CDK19: variants seen among roughly 807,000 people sequenced by gnomAD.
CDK19 encodes the protein cyclin-dependent kinase 19.
In CDK19, 20 loss-of-function variants were observed where a neutral mutation model predicts 68.3. The observed-to-expected ratio is 0.29, with a 90% CI of 0.21 to 0.43. The LOEUF is 0.43. CDK19 is among the 20% of genes least tolerant of loss of function. The probability of loss-of-function intolerance (pLI) is 1.00; values close to 1 mark genes in which losing one functional copy is unlikely to be tolerated. For missense variants in CDK19, 339 were observed against 623.5 expected (o/e 0.54, Z 4.86); for synonymous variants, 221 against 222.8 (o/e 0.99, Z 0.07).
At chr6:110,676,968 T>C (rs1051480848) in intron 2 of CDK19, among the ~76,000 whole-genome samples, 22 of 152,318 alleles carry the variant, frequency 1.4e-4, no homozygotes, top group African/African-American at 5.1e-4. Context: ...ATCCCCAAAT[T>C]TGCATTTTCT....
chr6:110,664,980 T>C (rs1781835003), intron 4 of CDK19, among the ~76,000 whole-genome samples: 1 of 152,166 alleles, frequency 6.6e-6, no homozygotes, highest in Admixed American at 6.5e-5. Flanking sequence ...GAACACTCAA[T>C]AGTTCAGTAG....
At chr6:110,726,454 A>T (rs1241023360) in intron 2 of CDK19, among the ~76,000 whole-genome samples, 2 of 152,130 alleles carry the variant, frequency 1.3e-5, no homozygotes, top group Admixed American at 6.6e-5. Context: ...GCCTAAAGAA[A>T]ATGGGGGGAT....
rs1440180529 is a variant in CDK19 at position 110,614,618 on chromosome 6, G to C, written c.1426C>G (p.Gln476Glu). 3 of 1,613,890 alleles carry C rather than the reference G, an allele frequency of 1.9e-6. 1 individual carries two copies. The highest frequency in any genetic ancestry group is 2.5e-6 in the Non-Finnish European group (3 of 1,179,758). The change falls in exon 13 of 13, where the codon CAG (glutamine) becomes GAG (glutamate). Residue 476 changes from glutamine to glutamate, a missense_variant. Physicochemically the swap from Gln to Glu is conservative, Grantham distance 29. Coordinates refer to ENST00000368911, the MANE Select transcript of CDK19 (RefSeq NM_015076.5). ...NYQSSVQGSS[Q>E]SQSTLGYSSS... ...GAGTAGCCAAGTGTGCTCTGGGACT[G>C]AGAGGATCCCTGAACGCTGCTTTGG...
At chr6:110,700,226 C>A (rs937312757) in intron 2 of CDK19, among the ~76,000 whole-genome samples, 1 of 152,180 alleles carries the variant, frequency 6.6e-6, no homozygotes, top group Admixed American at 6.5e-5. Flanking sequence ...AGAGTTCCCA[C>A]TGATTACACA....
At chr6:110,692,167 G>A (rs1453509685) in intron 2 of CDK19, among the ~76,000 whole-genome samples, 2 of 151,582 alleles carry the variant, frequency 1.3e-5, no homozygotes, top group Admixed American at 6.6e-5. Context: ...GGTGGTGAGC[G>A]CCTGTAGTCC....
At chr6:110,624,334 A>G (rs969057589) in intron 8 of CDK19, among the ~76,000 whole-genome samples, 7 of 152,128 alleles carry the variant, frequency 4.6e-5, no homozygotes, top group African/African-American at 1.7e-4. Flanking sequence ...TATTCATTTT[A>G]TTATTCTAAA....
At chr6:110,691,048 G>C (rs1772937094) in intron 2 of CDK19, among the ~76,000 whole-genome samples, 1 of 152,038 alleles carries the variant, frequency 6.6e-6, no homozygotes, top group African/African-American at 2.4e-5. Flanking sequence ...CGAAATATCA[G>C]ATAAAGAATC....
chr6:110,781,735 T>A (rs1562283720), intron 1 of CDK19, among the ~76,000 whole-genome samples: 1 of 151,646 alleles, frequency 6.6e-6, no homozygotes, highest in Non-Finnish European at 1.5e-5. Context: ...TCCCACCTAC[T>A]CAGGAGGCTG....
chr6:110,705,378 G>C (rs1041002690), intron 2 of CDK19, among the ~76,000 whole-genome samples: 5 of 152,124 alleles, frequency 3.3e-5, no homozygotes, highest in African/African-American at 1.2e-4. Context: ...ATGAGCTCAA[G>C]ATGTTCATGG....
At chr6:110,807,087 G>A (rs1433938125) in intron 1 of CDK19, among the ~76,000 whole-genome samples, 1 of 151,798 alleles carries the variant, frequency 6.6e-6, no homozygotes, top group Non-Finnish European at 1.5e-5. Flanking sequence ...ATTACTTGAG[G>A]CCAGGAGTTC....
intron 3 of CDK19, among the ~76,000 whole-genome samples, chr6:110,669,001 G>A (rs1770761014): frequency 6.6e-6 from 1 of 151,996 alleles, no homozygotes; most frequent in Non-Finnish European, 1.5e-5. Flanking sequence ...TATGGTATTG[G>A]ACAGTACAGT....
At chr6:110,689,199 ACC>A (rs1203424292) in intron 2 of CDK19, among the ~76,000 whole-genome samples, 1 of 152,010 alleles carries the variant, frequency 6.6e-6, no homozygotes, top group Non-Finnish European at 1.5e-5. Flanking sequence ...CTGGAACATT[ACC>A]CCAGAGGCCA....
intron 2 of CDK19, among the ~76,000 whole-genome samples, chr6:110,683,322 C>G (rs554441783): frequency 6.6e-6 from 1 of 151,982 alleles, no homozygotes; most frequent in Non-Finnish European, 1.5e-5. Context: ...GGTAGAATGC[C>G]TGGCATTGTT....
intron 2 of CDK19, among the ~76,000 whole-genome samples, chr6:110,741,204 C>T (rs1459020754): frequency 6.6e-6 from 1 of 151,832 alleles, no homozygotes; most frequent in East Asian, 1.9e-4. Flanking sequence ...ACATGTAATC[C>T]TAGCACTTTG....
At chr6:110,714,722 CTTT>C (rs112875656) in intron 2 of CDK19, among the ~76,000 whole-genome samples, 1,239 of 69,826 alleles carry the variant, frequency 0.018, 12 homozygotes, top group African/African-American at 0.044. Context: ...AATGTCTTTT[CTTT>C]TTTTTTTTTT....
intron 4 of CDK19, among the ~76,000 whole-genome samples, chr6:110,659,709 G>T (rs1160874557): frequency 6.6e-6 from 1 of 152,094 alleles, no homozygotes; most frequent in African/African-American, 2.4e-5. Context: ...TCTGTGGTTC[G>T]ACAGCAGGGA....
intron 6 of CDK19, among the ~76,000 whole-genome samples, chr6:110,630,843 A>G (rs995919016): frequency 6.6e-6 from 1 of 152,250 alleles, no homozygotes; most frequent in Non-Finnish European, 1.5e-5. Context: ...ACAATATTGC[A>G]GCACTGTGCT....
At chr6:110,769,602 G>A (rs992861200) in intron 1 of CDK19, among the ~76,000 whole-genome samples, 1 of 150,464 alleles carries the variant, frequency 6.6e-6, no homozygotes, top group Non-Finnish European at 1.5e-5. Flanking sequence ...TAATAATAGG[G>A]AAAACTGGGG....
At chr6:110,751,860 T>TAA (rs79254464) in intron 1 of CDK19, among the ~76,000 whole-genome samples, 1 of 140,202 alleles carries the variant, frequency 7.1e-6, no homozygotes. Context: ...TTGGTCAGAT[T>TAA]AAAAAAAAAA....
Sources: allele counts gnomAD v4.1 joint callset (sites outside exome capture counted in the v4.1 genomes callset), GRCh38; gene constraint gnomAD v4.1.1; transcripts MANE v1.5; gene names NCBI Gene and HGNC (gene_info 2026-07-23, HGNC 2026-07-21).